The following DLC1 variants were observed in gnomAD, a reference collection of about 807,000 sequenced individuals.
DLC1 encodes rho GTPase-activating protein 7.
DLC1 carries 54 observed loss-of-function variants against 140.3 expected under a neutral mutation model. The observed-to-expected ratio is 0.38, with a 90% CI of 0.31 to 0.48. DLC1 has a LOEUF of 0.48. DLC1 is among the 20% of genes least tolerant of loss of function. The probability of loss-of-function intolerance (pLI) is 0.96; values close to 1 mark genes in which losing one functional copy is unlikely to be tolerated. For missense variants in DLC1, 2,536 were observed against 1,907.0 expected (o/e 1.33, Z -6.14); for synonymous variants, 986 against 728.1 (o/e 1.35, Z -5.70).
intron 1 of DLC1, among the ~76,000 whole-genome samples, chr8:13,544,167 CTCTT>C (rs1803577188): frequency 1.3e-5 from 2 of 150,052 alleles, no homozygotes; most frequent in African/African-American, 4.9e-5. Context: ...TCTCTCTCCT[CTCTT>C]TGTCATTCTC....
At position 13,099,910 on chromosome 8, in the gene DLC1, G is replaced by T. The variant is rs138787411; in HGVS notation, c.2427C>A (p.Ile809=). The T allele has an allele frequency of 3.0e-5, 49 of 1,614,058 alleles. No individual in the cohort carries two copies. The African/African-American group carries it at 6.4e-4, about 21-fold the overall frequency. ...AAGTGCCAGGCTTGTGATCTTCAGG[G>T]ATGTAGAACACCGTGTCCTCTGGGT... ...ESYPEDTVFY[I]PEDHKPGTFP... is the part of the protein sequence containing the mutation. The change falls in exon 9 of 18, where the codon ATC becomes ATA. Residue 809 remains isoleucine, a synonymous_variant. Transcript: ENST00000276297.
chr8:13,563,091 A>C (rs1455191436), intron 1 of DLC1, among the ~76,000 whole-genome samples: 1 of 152,142 alleles, frequency 6.6e-6, no homozygotes, highest in East Asian at 1.9e-4. Context: ...AGAAAACTAA[A>C]CTTCTCTTCC....
intron 2 of DLC1, among the ~76,000 whole-genome samples, chr8:13,424,405 C>G (rs149020747): frequency 0.023 from 3,458 of 152,074 alleles, 59 homozygotes; most frequent in Middle Eastern, 0.041. Flanking sequence ...AGGAGAATTC[C>G]TTGAACCCTG....
At chr8:13,527,754 GTT>G (rs1554538510) in intron 1 of DLC1, among the ~76,000 whole-genome samples, 1 of 152,062 alleles carries the variant, frequency 6.6e-6, no homozygotes, top group Non-Finnish European at 1.5e-5. Context: ...GAAATAAAAT[GTT>G]TTCACCACTA....
intron 2 of DLC1, among the ~76,000 whole-genome samples, chr8:13,429,478 C>T (rs543062856): frequency 9.9e-5 from 15 of 152,202 alleles, no homozygotes; most frequent in African/African-American, 1.7e-4. Context: ...GATTTGTAGT[C>T]GTTGAAAACC....
At chr8:13,466,081 A>C (rs566310163) in intron 2 of DLC1, among the ~76,000 whole-genome samples, 1 of 152,324 alleles carries the variant, frequency 6.6e-6, no homozygotes, top group African/African-American at 2.4e-5. Context: ...GACGGGGCAG[A>C]TATACTGCAA....
intron 2 of DLC1, among the ~76,000 whole-genome samples, chr8:13,462,870 G>A (rs574711903): frequency 1.5e-3 from 227 of 152,232 alleles, no homozygotes; most frequent in African/African-American, 5.2e-3. Flanking sequence ...AAAAAAGAAC[G>A]TTGAACGCAT....
chr8:13,381,613 C>T (rs1363501945), intron 4 of DLC1, among the ~76,000 whole-genome samples: 1 of 152,168 alleles, frequency 6.6e-6, no homozygotes, highest in Non-Finnish European at 1.5e-5. Flanking sequence ...ATTTTGGTTG[C>T]TTCACAGAGA....
chr8:13,132,273 G>A (rs2128963758), intron 5 of DLC1, among the ~76,000 whole-genome samples: 1 of 150,668 alleles, frequency 6.6e-6, no homozygotes, highest in South Asian at 2.1e-4. Flanking sequence ...TGCAAGCCAC[G>A]GGGCTTGCTA....
intron 6 of DLC1, among the ~76,000 whole-genome samples, chr8:13,113,268 A>G (rs1820266718): frequency 6.6e-6 from 1 of 152,176 alleles, no homozygotes; most frequent in Non-Finnish European, 1.5e-5. Flanking sequence ...AAGTACGCAA[A>G]TCAAGCTTAA....
chr8:13,325,434 G>A (rs1228963206), intron 4 of DLC1, among the ~76,000 whole-genome samples: 2 of 151,332 alleles, frequency 1.3e-5, no homozygotes, highest in East Asian at 1.9e-4. Context: ...CATGTTCTGG[G>A]ACAATAGTTC....
intron 5 of DLC1, among the ~76,000 whole-genome samples, chr8:13,251,171 T>G (rs1004560218): frequency 6.6e-6 from 1 of 152,298 alleles, no homozygotes; most frequent in Middle Eastern, 3.4e-3. Flanking sequence ...GAGGACACTA[T>G]TCTTATTGGC....
intron 5 of DLC1, among the ~76,000 whole-genome samples, chr8:13,257,959 CA>C (rs1346615342): frequency 6.6e-6 from 1 of 152,172 alleles, no homozygotes; most frequent in Non-Finnish European, 1.5e-5. Flanking sequence ...GGGAAGTCAT[CA>C]AAAGCCAACT....
chr8:13,126,034 T>C (rs778986384), intron 5 of DLC1, among the ~76,000 whole-genome samples: 3 of 152,006 alleles, frequency 2.0e-5, no homozygotes, highest in Admixed American at 6.6e-5. Context: ...GTACTCCTTT[T>C]AACACATAAA....
At chr8:13,476,317 C>G (rs1037735370) in intron 2 of DLC1, among the ~76,000 whole-genome samples, 5 of 152,098 alleles carry the variant, frequency 3.3e-5, no homozygotes, top group African/African-American at 1.2e-4. Context: ...ATTAAAAAAT[C>G]TGGATTGAGG....
intron 5 of DLC1, among the ~76,000 whole-genome samples, chr8:13,271,387 C>A (rs1830925738): frequency 6.6e-6 from 1 of 152,150 alleles, no homozygotes; most frequent in Admixed American, 6.5e-5. Flanking sequence ...TGGAAGTGGG[C>A]CAGAATTCCC....
chr8:13,300,295 G>A (rs188348726), intron 5 of DLC1, among the ~76,000 whole-genome samples: 1 of 152,208 alleles, frequency 6.6e-6, no homozygotes, highest in African/African-American at 2.4e-5. Flanking sequence ...AGGATGGTGT[G>A]GGGAGAACAT....
chr8:13,314,941 A>C (rs903677017), intron 4 of DLC1, among the ~76,000 whole-genome samples: 1 of 152,212 alleles, frequency 6.6e-6, no homozygotes, highest in Non-Finnish European at 1.5e-5. Context: ...GGTCTAACCT[A>C]AAATGTACAC....
intron 2 of DLC1, among the ~76,000 whole-genome samples, chr8:13,408,109 C>G (rs893183001): frequency 3.0e-4 from 45 of 152,054 alleles, no homozygotes; most frequent in African/African-American, 1.0e-3. Context: ...AATTTTTATT[C>G]CACTGTGTTT....
Sources: allele counts gnomAD v4.1 joint callset (sites outside exome capture counted in the v4.1 genomes callset), GRCh38; gene constraint gnomAD v4.1.1; transcripts MANE v1.5; gene names NCBI Gene and HGNC (gene_info 2026-07-23, HGNC 2026-07-21).